The following TAFA2 variants were observed in gnomAD, a reference collection of about 807,000 sequenced individuals.
TAFA2 encodes the protein chemokine-like protein TAFA-2.
In TAFA2, 7 loss-of-function variants were observed where a neutral mutation model predicts 18.8. The observed-to-expected ratio is 0.37, with a 90% CI of 0.21 to 0.70. TAFA2 has a LOEUF of 0.70. Ranked by LOEUF, TAFA2 falls within the 30% of genes least tolerant of loss-of-function variation. TAFA2 has a pLI of 0.53. For missense variants in TAFA2, 122 were observed against 158.1 expected (o/e 0.77, Z 1.23); for synonymous variants, 60 against 54.2 (o/e 1.11, Z -0.47).
chr12:62,075,679 C>CAT (rs994467887), intron 1 of TAFA2, among the ~76,000 whole-genome samples: 17 of 152,142 alleles, frequency 1.1e-4, no homozygotes, highest in East Asian at 1.9e-4. Flanking sequence ...CACATACACG[C>CAT]ATATATATAT....
intron 2 of TAFA2, among the ~76,000 whole-genome samples, chr12:61,817,794 C>A (rs1196616554): frequency 1.3e-5 from 2 of 152,184 alleles, no homozygotes; most frequent in Non-Finnish European, 1.5e-5. Flanking sequence ...TCAGCTACCT[C>A]AAAATGACAT....
chr12:61,759,815 G>C (rs1869450194), intron 2 of TAFA2, among the ~76,000 whole-genome samples: 1 of 151,866 alleles, frequency 6.6e-6, no homozygotes, highest in Admixed American at 6.6e-5. Context: ...AATGTGAGGG[G>C]TTCTGAGAAA....
intron 2 of TAFA2, among the ~76,000 whole-genome samples, chr12:61,805,928 A>G (rs891183086): frequency 6.6e-6 from 1 of 152,192 alleles, no homozygotes; most frequent in East Asian, 1.9e-4. Flanking sequence ...TCAGAAACAC[A>G]TAACACTAAC....
chr12:61,712,330 A>C (rs2120542164), intron 4 of TAFA2, among the ~76,000 whole-genome samples: 1 of 152,304 alleles, frequency 6.6e-6, no homozygotes, highest in East Asian at 1.9e-4. Context: ...CTACTAGTTT[A>C]TATAAAGTTG....
chr12:61,745,176 A>G (rs1471785921), intron 4 of TAFA2, among the ~76,000 whole-genome samples: 1 of 152,088 alleles, frequency 6.6e-6, no homozygotes, highest in African/African-American at 2.4e-5. Context: ...TCATTAAGTT[A>G]AACGACCTAA....
intron 1 of TAFA2, among the ~76,000 whole-genome samples, chr12:61,956,768 A>G (rs886707609): frequency 1.3e-5 from 2 of 152,124 alleles, no homozygotes; most frequent in East Asian, 3.9e-4. Flanking sequence ...GAGGAATAAG[A>G]ATTTTTCAAG....
chr12:61,812,588 GAC>G (rs1174699189), intron 2 of TAFA2, among the ~76,000 whole-genome samples: 1 of 144,360 alleles, frequency 6.9e-6, no homozygotes, highest in African/African-American at 2.6e-5. Flanking sequence ...TTTTTTTTTG[GAC>G]ACAGAGTCTC....
intron 1 of TAFA2, among the ~76,000 whole-genome samples, chr12:61,943,710 C>T (rs1235696761): frequency 6.6e-6 from 1 of 151,632 alleles, no homozygotes; most frequent in Non-Finnish European, 1.5e-5. Flanking sequence ...ACAAAGAAGG[C>T]CATTACATAA....
intron 1 of TAFA2, among the ~76,000 whole-genome samples, chr12:62,240,314 G>A (rs2062856866): frequency 6.6e-6 from 1 of 151,622 alleles, no homozygotes; most frequent in African/African-American, 2.4e-5. Flanking sequence ...AGCTACTCTG[G>A]AGGCTGAGGC....
At chr12:62,148,240 C>T (rs775885010) in intron 1 of TAFA2, among the ~76,000 whole-genome samples, 1 of 152,180 alleles carries the variant, frequency 6.6e-6, no homozygotes, top group Non-Finnish European at 1.5e-5. Flanking sequence ...AATACACTTG[C>T]ACTTATAAAT....
At chr12:61,770,035 A>G (rs1402927579) in intron 2 of TAFA2, among the ~76,000 whole-genome samples, 3 of 152,098 alleles carry the variant, frequency 2.0e-5, no homozygotes, top group African/African-American at 7.2e-5. Flanking sequence ...AATATATGGC[A>G]TAAACAAAAA....
At chr12:62,105,293 A>T (rs1262743905) in intron 1 of TAFA2, among the ~76,000 whole-genome samples, 1 of 152,256 alleles carries the variant, frequency 6.6e-6, no homozygotes, top group African/African-American at 2.4e-5. Context: ...CATGCATTAT[A>T]GACTGCAATG....
chr12:61,877,001 T>C (rs1282630052), intron 1 of TAFA2, among the ~76,000 whole-genome samples: 1 of 152,214 alleles, frequency 6.6e-6, no homozygotes, highest in African/African-American at 2.4e-5. Context: ...CATTACTTCA[T>C]ATACTTTAAC....
chr12:62,091,703 C>T, intron 1 of TAFA2, among the ~76,000 whole-genome samples: 1 of 151,962 alleles, frequency 6.6e-6, no homozygotes, highest in East Asian at 1.9e-4. Flanking sequence ...AATTAACCGC[C>T]ACATCCCCTA....
chr12:61,868,581 T>G (rs1874456275), intron 1 of TAFA2, among the ~76,000 whole-genome samples: 1 of 152,106 alleles, frequency 6.6e-6, no homozygotes, highest in East Asian at 1.9e-4. Context: ...TTTTGTACAT[T>G]TTTACCTCCA....
chr12:62,218,423 T>C (rs1019521796), intron 1 of TAFA2, among the ~76,000 whole-genome samples: 6 of 152,188 alleles, frequency 3.9e-5, no homozygotes, highest in Non-Finnish European at 5.9e-5. Flanking sequence ...ATGTGATCAG[T>C]TGGGTAGGCT....
intron 4 of TAFA2, among the ~76,000 whole-genome samples, chr12:61,737,420 T>C (rs1010684510): frequency 5.3e-5 from 8 of 151,958 alleles, no homozygotes; most frequent in African/African-American, 1.7e-4. Context: ...TGAATGTTTA[T>C]CTAATAGTAA....
chr12:62,083,015 G>C (rs979371154), intron 1 of TAFA2, among the ~76,000 whole-genome samples: 1 of 151,896 alleles, frequency 6.6e-6, no homozygotes, highest in Non-Finnish European at 1.5e-5. Flanking sequence ...ACAGAAACTT[G>C]CCCAAGATCA....
intron 2 of TAFA2, among the ~76,000 whole-genome samples, chr12:61,778,565 C>T (rs1349411029): frequency 6.6e-6 from 1 of 151,758 alleles, no homozygotes; most frequent in Non-Finnish European, 1.5e-5. Flanking sequence ...ATTAGATGCC[C>T]ATGGTAGGCT....
Sources: allele counts gnomAD v4.1 joint callset (sites outside exome capture counted in the v4.1 genomes callset), GRCh38; gene constraint gnomAD v4.1.1; transcripts MANE v1.5; gene names NCBI Gene and HGNC (gene_info 2026-07-23, HGNC 2026-07-21).